AGPAT3: variants seen among roughly 807,000 people sequenced by gnomAD.
The protein encoded by AGPAT3 is 1-acyl-sn-glycerol-3-phosphate acyltransferase gamma.
Under a neutral mutation model 47.3 loss-of-function variants are expected in AGPAT3, and 5 were observed. The observed-to-expected ratio is 0.11, with a 90% confidence interval of 0.06 to 0.22. The LOEUF is 0.22. Ranked by LOEUF, AGPAT3 falls within the 10% of genes least tolerant of loss-of-function variation. The pLI, the probability that AGPAT3 is intolerant of heterozygous loss-of-function variation, is 1.00. For missense variants in AGPAT3, 315 were observed against 493.0 expected (o/e 0.64, Z 3.42); for synonymous variants, 212 against 208.3 (o/e 1.02, Z -0.15).
chr21:43,907,305 C>T (rs773185273), intron 2 of AGPAT3, among the ~76,000 whole-genome samples: 10 of 151,976 alleles, frequency 6.6e-5, no homozygotes, highest in Non-Finnish European at 1.5e-4. Context: ...AGTTGGGATT[C>T]GTTTCTTGAT....
In AGPAT3 at chr21:43,968,014, G is replaced by A; in HGVS notation, c.247G>A (p.Glu83Lys). The A allele has an allele frequency of 6.2e-7, 1 of 1,614,030 alleles. No individual in the cohort carries two copies. Residue 83 changes from glutamate to lysine, a missense_variant, in exon 4 of 10, where the codon GAG (glutamate) becomes AAG (lysine). Transcript: ENST00000291572. ...ACTGTTCACGGACCAGGCCACGGTA[G>A]AGCGCTTTGGGAAGGAGCACGCAGT... ...CTLFTDQATVERFGKEHAVII... is the reference protein window; with the variant it reads ...CTLFTDQATVKRFGKEHAVII...
At position 43,942,769 on chromosome 21, in the gene AGPAT3, GGTCTT is replaced by G. The variant is rs1447950251; in HGVS notation, c.-48-16859_-48-16855del. On this transcript the variant is annotated intron_variant, in intron 2 of 9. Transcript: ENST00000291572. Reference sequence around the variant, plus strand: ...ACCCTGGGCTGCTGTGGTCAGGTGGGGTCTTGTCTTTAGCCCCCTTCGGTGGCTCA... The same window carrying G: ...ACCCTGGGCTGCTGTGGTCAGGTGGGGTCTTTAGCCCCCTTCGGTGGCTCA... Among the ~76,000 whole-genome samples, 11 of 152,224 alleles carry G rather than the reference GGTCTT, an allele frequency of 7.2e-5. No homozygotes were observed. In the South Asian group the frequency reaches 1.4e-3, roughly 20 times the overall value.
At position 43,920,349 on chromosome 21, in the gene AGPAT3, G is replaced by A. The variant is rs1224816368; in HGVS notation, c.-49+16330G>A. Among the ~76,000 whole-genome samples, 3 of 152,176 alleles carry A rather than the reference G, an allele frequency of 2.0e-5. No individual in the cohort carries two copies. The highest frequency in any genetic ancestry group is 4.4e-5 in the Non-Finnish European group (3 of 68,024). Reference sequence around the variant, plus strand: ...AGTGTGACTCGGCTGAGAGGAGACAGCGCAGCTGGGCAGGTGATGCTTGGT... The same window carrying A: ...AGTGTGACTCGGCTGAGAGGAGACAACGCAGCTGGGCAGGTGATGCTTGGT... On this transcript the variant is annotated intron_variant, in intron 2 of 9. Transcript: ENST00000291572. This position sits in a 1 kb window ranked among gnomAD's most constrained non-coding sequence, Gnocchi z 6.1.
chr21:43,958,575 T>C (rs1157140349), intron 2 of AGPAT3, among the ~76,000 whole-genome samples: 2 of 151,464 alleles, frequency 1.3e-5, no homozygotes, highest in Admixed American at 6.6e-5. Context: ...GTGGCGTGTG[T>C]GTGGTTTGTG....
At chr21:43,972,227 C>T (rs1048921538) in intron 7 of AGPAT3, among the ~76,000 whole-genome samples, 1 of 152,158 alleles carries the variant, frequency 6.6e-6, no homozygotes, top group Non-Finnish European at 1.5e-5. Context: ...TCACTGCAAC[C>T]TCCGCCTCCC....
intron 2 of AGPAT3, among the ~76,000 whole-genome samples, chr21:43,946,069 C>T (rs1325357193): frequency 6.6e-6 from 1 of 152,226 alleles, no homozygotes; most frequent in Non-Finnish European, 1.5e-5. Flanking sequence ...CAACGATGCC[C>T]CGTGACTGCC....
chr21:43,969,232 G>A lies in AGPAT3; in HGVS notation c.463G>A (p.Val155Met), dbSNP rs1234767287. The A allele has an allele frequency of 1.9e-6, 3 of 1,614,118 alleles. No homozygotes were observed. Among genetic ancestry groups the A allele is most frequent in the Non-Finnish European group, 2.5e-6 (3 of 1,180,034 alleles). ...GAAGTGGGAGGAGGACCGGGACACC[G>A]TGGTCGAAGGGCTGAGGCGCCTGTC... The part of the protein sequence containing the change: ...KRKWEEDRDT[V>M]VEGLRRLSDY... Residue 155 changes from valine (V) to methionine (M), a missense_variant, in exon 5 of 10, where the codon GTG becomes ATG. Coordinates refer to ENST00000291572, the MANE Select transcript of AGPAT3 (RefSeq NM_020132.5).
intron 2 of AGPAT3, among the ~76,000 whole-genome samples, chr21:43,910,775 A>G (rs2086614953): frequency 6.6e-6 from 1 of 152,212 alleles, no homozygotes; most frequent in South Asian, 2.1e-4. Context: ...GAAGTCAGGT[A>G]TTCTGCAAGG....
At chr21:43,869,164 T>G (rs943780624) in intron 1 of AGPAT3, among the ~76,000 whole-genome samples, 21 of 152,208 alleles carry the variant, frequency 1.4e-4, no homozygotes, top group African/African-American at 4.8e-4. Context: ...AGAAGAAAAT[T>G]AATTCAATTG....
chr21:43,959,210 T>C (rs2088686131), intron 2 of AGPAT3, among the ~76,000 whole-genome samples: 1 of 127,624 alleles, frequency 7.8e-6, no homozygotes, highest in East Asian at 2.5e-4. Context: ...GTGTGATGTG[T>C]GGCATGTGGG....
rs2085843453 is a variant in AGPAT3, at chr21:43,880,966, G to C, written c.-112+15621G>C. Among the ~76,000 whole-genome samples, 1 of 152,098 alleles carries C rather than the reference G, an allele frequency of 6.6e-6. No homozygotes were observed. The highest frequency in any genetic ancestry group is 2.1e-4 in the South Asian group (1 of 4,824). On this transcript the variant is annotated intron_variant, in intron 1 of 9. Coordinates refer to ENST00000291572, the MANE Select transcript of AGPAT3 (RefSeq NM_020132.5). This position sits in a 1 kb window ranked among gnomAD's most constrained non-coding sequence, Gnocchi z 4.5. ...GTTGGTCATTCTTAATGCCAGGGAG[G>C]GGGAAGAGAGAGAAAATGAGAGAGA...
At chr21:43,888,651 T>C (rs766170558) in intron 1 of AGPAT3, among the ~76,000 whole-genome samples, 1 of 152,230 alleles carries the variant, frequency 6.6e-6, no homozygotes, top group Non-Finnish European at 1.5e-5. Flanking sequence ...ATTATTTAAA[T>C]ACCAGTTACA....
Position 43,980,997 on chromosome 21 carries a change from C to G in AGPAT3, c.852C>G (p.Leu284=). The change falls in exon 9 of 10, where the codon CTC becomes CTG. Residue 284 remains leucine, a synonymous_variant. Coordinates refer to ENST00000291572, the MANE Select transcript of AGPAT3 (RefSeq NM_020132.5). ...LHKLYQEKDA[L]QEIYNQKGMF... is the part of the protein sequence containing the mutation. ...TCTGTTGACTCTTCTAGGACGCGCTCCAGGAGATATATAATCAGAAGGGCA... is the reference window on the plus strand; with the variant it reads ...TCTGTTGACTCTTCTAGGACGCGCTGCAGGAGATATATAATCAGAAGGGCA... 1 of 1,614,058 alleles carries G rather than the reference C, an allele frequency of 6.2e-7. No homozygotes were observed. The highest frequency in any genetic ancestry group is 8.5e-7 in the Non-Finnish European group (1 of 1,180,002).
At chr21:43,940,786 G>C (rs926301408) in intron 2 of AGPAT3, among the ~76,000 whole-genome samples, 2 of 152,234 alleles carry the variant, frequency 1.3e-5, no homozygotes, top group East Asian at 3.8e-4. Context: ...TGCCTGATGG[G>C]CTGGTTTATG....
At chr21:43,896,074 T>C (rs1004521825) in intron 1 of AGPAT3, among the ~76,000 whole-genome samples, 3 of 152,134 alleles carry the variant, frequency 2.0e-5, no homozygotes, top group African/African-American at 7.2e-5. Flanking sequence ...GGCCTAATTT[T>C]GGTATTTTTA....
chr21:43,878,164 AC>A (rs2123558548), intron 1 of AGPAT3, among the ~76,000 whole-genome samples: 1 of 149,258 alleles, frequency 6.7e-6, no homozygotes, highest in African/African-American at 2.5e-5. Context: ...CACGCTCTGC[AC>A]CCCCACACCC....
chr21:43,882,947 C>T (rs181029690), intron 1 of AGPAT3, among the ~76,000 whole-genome samples: 6 of 152,362 alleles, frequency 3.9e-5, no homozygotes, highest in African/African-American at 1.4e-4. Flanking sequence ...CCATGAGATG[C>T]AGGATTCCTG....
intron 8 of AGPAT3, 89 bp from the exon 9 acceptor site, chr21:43,980,900 G>A (rs17004619): frequency 0.097 from 126,572 of 1,307,872 alleles, 6,922 homozygotes; most frequent in Middle Eastern, 0.16. Flanking sequence ...AGGTTGAGTC[G>A]TTTTTCATTG....
rs1037816667 is a variant in AGPAT3, at chr21:43,908,590, C to A, written c.-49+4571C>A. On this transcript the variant is annotated intron_variant, in intron 2 of 9. Transcript: ENST00000291572. This position sits in a 1 kb window ranked among gnomAD's most constrained non-coding sequence, Gnocchi z 4.9. ...GGTAGGGGGAGTGGAGCCGTGGGTG[C>A]GGCACTAGAAGGATGAGAAAGGACC... Among the ~76,000 whole-genome samples the A allele has an allele frequency of 1.3e-5, 2 of 152,104 alleles. No homozygotes were observed. The highest frequency in any genetic ancestry group is 2.9e-5 in the Non-Finnish European group (2 of 68,024).
Sources: gnomAD v4.1 joint callset for allele counts (sites outside exome capture counted in the v4.1 genomes callset) on GRCh38, gnomAD v4.1.1 for gene constraint, Gnocchi (gnomAD v3.1) non-coding constraint, MANE v1.5 for transcripts, NCBI Gene and HGNC (gene_info 2026-07-23, HGNC 2026-07-21) for gene names.